Variants in PIK3C2B observed in about 807,000 individuals in gnomAD.
PIK3C2B encodes phosphatidylinositol-4-phosphate 3-kinase catalytic subunit type 2 beta.
PIK3C2B carries 83 observed loss-of-function variants against 184.3 expected under a neutral mutation model. The ratio of observed to expected loss-of-function variants is 0.45; its 90% CI spans 0.38 to 0.54. The LOEUF (loss-of-function observed/expected upper bound fraction) is 0.54. PIK3C2B is among the 20% of genes least tolerant of loss of function. The probability of loss-of-function intolerance (pLI) is 0.00; values close to 1 mark genes in which losing one functional copy is unlikely to be tolerated. For missense variants in PIK3C2B, 1,736 were observed against 2,113.5 expected, an observed-to-expected ratio of 0.82 and a Z score of 3.50; for synonymous variants, 779 against 837.6, an observed-to-expected ratio of 0.93 and a Z score of 1.21.
At chr1:204,439,331 A>G (rs1359084744) in intron 22 of PIK3C2B, among the ~76,000 whole-genome samples, 1 of 152,150 alleles carries the variant, frequency 6.6e-6, no homozygotes, top group East Asian at 1.9e-4. Context: ...GAATTTGAAA[A>G]TATATATAAG....
At chr1:204,465,704 C>T (rs1655708911) in intron 2 of PIK3C2B, among the ~76,000 whole-genome samples, 2 of 152,206 alleles carry the variant, frequency 1.3e-5, no homozygotes, top group Non-Finnish European at 2.9e-5. Flanking sequence ...GCTGTTTTTC[C>T]CAGCCCCTCT....
chr1:204,461,038 A>G (rs555171344), intron 5 of PIK3C2B, among the ~76,000 whole-genome samples: 1 of 152,184 alleles, frequency 6.6e-6, no homozygotes, highest in Non-Finnish European at 1.5e-5. Flanking sequence ...TGTATAGGGG[A>G]CAACCAGGAA....
rs1406252725 is a variant in PIK3C2B, at chr1:204,456,066, G to A, written c.1748-15C>T. ...CACGACCTTCTCTGGGAAGGGAAGG[G>A]GTCAGAAGGGAAAGTCATGAGGCCT... is the stretch of plus-strand genomic sequence containing the variant. On this transcript the variant is annotated splice_polypyrimidine_tract_variant and intron_variant, in intron 10 of 32. Coordinates refer to ENST00000684373, the MANE Select transcript of PIK3C2B (RefSeq NM_001377334.1). 1.9e-6 allele frequency: 3 copies of A among 1,606,312 alleles called. No individual in the cohort carries two copies. Among genetic ancestry groups the A allele is most frequent in the Non-Finnish European group, 2.6e-6 (3 of 1,174,732 alleles).
intron 2 of PIK3C2B, among the ~76,000 whole-genome samples, chr1:204,468,631 C>G (rs2942151): frequency 0.94 from 143,522 of 152,270 alleles, 67,865 homozygotes; most frequent in Non-Finnish European, 0.99. Flanking sequence ...CCCCAGAAGG[C>G]CCGTTTTGGC....
intron 1 of PIK3C2B, among the ~76,000 whole-genome samples, chr1:204,483,370 G>A (rs982994304): frequency 3.5e-5 from 5 of 142,688 alleles, no homozygotes; most frequent in Admixed American, 7.4e-5. Context: ...TCCAGCCTGG[G>A]TGACAGAGAA....
chr1:204,433,395 C>T lies in PIK3C2B; in HGVS notation c.3874G>A (p.Asp1292Asn), dbSNP rs1449898625. The T allele has an allele frequency of 8.1e-6, 13 of 1,611,550 alleles. No individual in the cohort carries two copies. Among genetic ancestry groups the T allele is most frequent in the Non-Finnish European group, 1.0e-5 (12 of 1,177,762 alleles). ...TACACATACTTGAGGTCCTCCAGGT[C>T]TGAGAGTTCAGGGATCCCACAGGAC... ...MLSCGIPELSDLEDLKYVYDA... is the reference protein window; with the variant it reads ...MLSCGIPELSNLEDLKYVYDA... The change falls in exon 26 of 33, where the codon GAC becomes AAC. Residue 1292 changes from aspartate (D) to asparagine (N), a missense_variant. By Grantham distance (23) the Asp-to-Asn change is conservative. This residue lies in a region of PIK3C2B where 119 missense variants were observed against 179.3 expected (regional missense o/e 0.66). Transcript: ENST00000684373. The surrounding 1 kb of genome is among the most constrained non-coding windows in gnomAD (Gnocchi z 5.0).
At chr1:204,442,708 G>A (rs1675733816) in intron 19 of PIK3C2B, 75 bp from the exon 20 acceptor site, 1 of 1,021,894 alleles carries the variant, frequency 9.8e-7, no homozygotes, top group East Asian at 2.6e-5. Flanking sequence ...TCCCAGGGGT[G>A]GGTTCTCCGT....
At chr1:204,477,090 C>T (rs1656767770) in intron 1 of PIK3C2B, among the ~76,000 whole-genome samples, 1 of 152,188 alleles carries the variant, frequency 6.6e-6, no homozygotes. Flanking sequence ...GGGCATTCTC[C>T]TATGTAAAAC....
intron 19 of PIK3C2B, 116 bp from the exon 20 acceptor site, chr1:204,442,749 A>G (rs1374997321): frequency 1.5e-6 from 1 of 664,916 alleles, no homozygotes. Flanking sequence ...CCCCCTGAGA[A>G]GTGTGGACAC....
At chr1:204,484,285 G>T (rs893712312) in intron 1 of PIK3C2B, among the ~76,000 whole-genome samples, 2 of 152,154 alleles carry the variant, frequency 1.3e-5, no homozygotes, top group Non-Finnish European at 2.9e-5. Flanking sequence ...TATGGAAGAG[G>T]AAAGTAGAAA....
intron 24 of PIK3C2B, 62 bp downstream of exon 24, chr1:204,434,377 T>G (rs1675231037): frequency 6.7e-7 from 1 of 1,484,844 alleles, no homozygotes; most frequent in African/African-American, 1.4e-5. Flanking sequence ...GTCCCAGCTC[T>G]GAACCACTGT....
chr1:204,436,915 G>A (rs759994048), intron 23 of PIK3C2B, among the ~76,000 whole-genome samples: 2 of 152,170 alleles, frequency 1.3e-5, no homozygotes, highest in Non-Finnish European at 2.9e-5. Flanking sequence ...GCCTTGAAAT[G>A]TATAGCATAG....
At chr1:204,462,436 A>G (rs1655412595) in intron 5 of PIK3C2B, among the ~76,000 whole-genome samples, 1 of 152,216 alleles carries the variant, frequency 6.6e-6, no homozygotes, top group Non-Finnish European at 1.5e-5. Context: ...AGCATCAATC[A>G]GCCTTCACAA....
chr1:204,469,687 CGGGACA>C lies in PIK3C2B; in HGVS notation c.110_115del (p.Leu37_Ser38del). Reference sequence around the variant, plus strand: ...GTTCTCCTCCTTGTCATGCCGGAGCCGGGACAGGGCATCATACTCCATCTGCAGGGC... The same window carrying C: ...GTTCTCCTCCTTGTCATGCCGGAGCCGGGCATCATACTCCATCTGCAGGGC... On this transcript the variant is annotated inframe_deletion, in exon 2 of 33. Transcript: ENST00000684373. 6.2e-7 allele frequency: 1 copy of C among 1,613,998 alleles called. No individual in the cohort carries two copies. The highest frequency in any genetic ancestry group is 8.5e-7 in the Non-Finnish European group (1 of 1,179,970).
chr1:204,460,401 C>T lies in PIK3C2B; in HGVS notation c.1425G>A (p.Val475=). The T allele has an allele frequency of 6.2e-7, 1 of 1,613,290 alleles. No individual in the cohort carries two copies. Among genetic ancestry groups the T allele is most frequent in the Non-Finnish European group, 8.5e-7 (1 of 1,179,278 alleles). Residue 475 remains valine, a splice_region_variant and synonymous_variant, in exon 7 of 33, where the codon GTG becomes GTA. Coordinates refer to ENST00000684373, the MANE Select transcript of PIK3C2B (RefSeq NM_001377334.1). ...AGGTGGAGGGGCTCTGGTCATCATT[C>T]ACCTGTATAAGAAGTGACCTATTCA... ...KVVRSDLART[V]NDDQSPSTLN...
At position 204,469,527 on chromosome 1, in the gene PIK3C2B, G is replaced by A. The variant is rs760370215; in HGVS notation, c.276C>T (p.Asn92=). ...RGLSGSDPTL[N]YNSLSPQEGP... ...CTTCCTGTGGGGAGAGTGAGTTGTA[G>A]TTAAGGGTAGGATCAGAGCCAGAGA... Residue 92 remains asparagine, a synonymous_variant, in exon 2 of 33, where the codon AAC becomes AAT. Coordinates refer to ENST00000684373, the MANE Select transcript of PIK3C2B (RefSeq NM_001377334.1). 1.4e-5 allele frequency: 23 copies of A among 1,603,846 alleles called. 1 individual carries two copies. In the South Asian group the frequency reaches 2.2e-4, roughly 16 times the overall value.
chr1:204,475,281 C>T lies in PIK3C2B; in HGVS notation c.-84-5395G>A, dbSNP rs560130471. ...TTCATGACCACGTATGTGATACCTC[C>T]GTGACTTGGTTCAAATTGTTCCAAT... On this transcript the variant is annotated intron_variant, in intron 1 of 32. Transcript: ENST00000684373. 9.2e-5 allele frequency among the ~76,000 whole-genome samples: 14 copies of T among 152,318 alleles called. No homozygotes were observed. In the South Asian group the frequency reaches 2.3e-3, roughly 25 times the overall value.
chr1:204,429,040 T>A lies in PIK3C2B; in HGVS notation c.4399-820A>T, dbSNP rs921307714. The A allele has an allele frequency of 1.1e-4, 38 of 357,852 alleles. 1 individual carries two copies. The highest frequency in any genetic ancestry group is 1.4e-4 in the Non-Finnish European group (25 of 182,246). The allele number at this position is 357,852 out of a possible 1,614,324, so 22.2% of individuals were successfully genotyped here. A position where few individuals can be genotyped will look rare whatever the true frequency, so the allele number is the denominator to read the frequency against. ...GGAGTCTGAGACCAGCCTGGTGACA[T>A]AGTAAAACCCTGTCTTTACAAAAAA... On this transcript the variant is annotated intron_variant, in intron 29 of 32. Transcript: ENST00000684373.
At chr1:204,494,198 C>T (rs145684613) in intron 1 of PIK3C2B, among the ~76,000 whole-genome samples, 158 bp downstream of exon 1, 6 of 152,194 alleles carry the variant, frequency 3.9e-5, no homozygotes, top group Non-Finnish European at 7.3e-5. Flanking sequence ...CCACGGCGTC[C>T]GCCGCTCAGC....
Sources: gnomAD v4.1 joint callset for allele counts (sites outside exome capture counted in the v4.1 genomes callset) on GRCh38, gnomAD v4.1.1 for gene constraint, gnomAD v4.1.1 regional missense constraint, Gnocchi (gnomAD v3.1) non-coding constraint, MANE v1.5 for transcripts, NCBI Gene and HGNC (gene_info 2026-07-23, HGNC 2026-07-21) for gene names.